Variants in TDRD1 observed in about 807,000 individuals in gnomAD.
The protein encoded by TDRD1 is tudor domain-containing protein 1.
A neutral mutation model predicts 140.6 loss-of-function variants in TDRD1; 37 were observed. The ratio of observed to expected loss-of-function variants is 0.26; its 90% confidence interval spans 0.20 to 0.35. TDRD1 has a LOEUF of 0.35. Ranked by LOEUF, TDRD1 falls within the 10% of genes least tolerant of loss-of-function variation. TDRD1 has a pLI of 1.00. For synonymous variants in TDRD1, 506 were observed against 475.7 expected, an observed-to-expected ratio of 1.06 and a Z score of -0.83; for missense variants, 1,243 against 1,393.0, an observed-to-expected ratio of 0.89 and a Z score of 1.71.
At chr10:114,208,807 C>T (rs12773687) in intron 11 of TDRD1, among the ~76,000 whole-genome samples, 24,506 of 150,622 alleles carry the variant, frequency 0.16, 2,166 homozygotes, top group Middle Eastern at 0.21. Context: ...CAGAGTCTCG[C>T]TCTGTCACCA....
intron 3 of TDRD1, 87 bp downstream of exon 3, chr10:114,191,106 A>G: frequency 7.3e-7 from 1 of 1,379,220 alleles, no homozygotes; most frequent in Non-Finnish European, 1.0e-6. Context: ...TTCAATTTGT[A>G]GGTATCATTC....
intron 3 of TDRD1, among the ~76,000 whole-genome samples, chr10:114,196,387 T>G (rs1036909131): frequency 1.3e-5 from 2 of 152,250 alleles, no homozygotes; most frequent in Non-Finnish European, 2.9e-5. Flanking sequence ...AGTCTTGATT[T>G]CCCATTCATT....
chr10:114,226,682 CAAAAA>C (rs2036456591), intron 22 of TDRD1, among the ~76,000 whole-genome samples: 2 of 152,196 alleles, frequency 1.3e-5, no homozygotes, highest in Non-Finnish European at 2.9e-5. Flanking sequence ...ACAAAGTGAA[CAAAAA>C]TACTTAAAGT....
chr10:114,211,052 C>A (rs947181020), intron 13 of TDRD1, 85 bp downstream of exon 13: 8 of 1,095,384 alleles, frequency 7.3e-6, no homozygotes, highest in Non-Finnish European at 1.0e-5. Flanking sequence ...GAAACAGAGT[C>A]TTTGGTTTGC....
intron 13 of TDRD1, 93 bp downstream of exon 13, chr10:114,211,060 T>G: frequency 1.0e-6 from 1 of 955,336 alleles, no homozygotes. Context: ...GTCTTTGGTT[T>G]GCACTGATGG....
chr10:114,206,187 C>G, intron 10 of TDRD1, 57 bp from the exon 11 acceptor site: 2 of 1,283,460 alleles, frequency 1.6e-6, no homozygotes, highest in Non-Finnish European at 2.3e-6. Flanking sequence ...TTACGCTTTT[C>G]CCATAATTCT....
intron 18 of TDRD1, among the ~76,000 whole-genome samples, chr10:114,219,980 A>T (rs896649261): frequency 1.3e-5 from 2 of 152,286 alleles, no homozygotes; most frequent in Non-Finnish European, 2.9e-5. Flanking sequence ...GGAACTTGTT[A>T]ATAACTGCAG....
intron 21 of TDRD1, among the ~76,000 whole-genome samples, chr10:114,223,839 T>C (rs1357844587): frequency 6.6e-6 from 1 of 152,216 alleles, no homozygotes; most frequent in Admixed American, 6.5e-5. Context: ...ATGTACTTTC[T>C]CAACATTACC....
At chr10:114,230,653 G>T (rs2036705035) in intron 25 of TDRD1, among the ~76,000 whole-genome samples, 2 of 152,112 alleles carry the variant, frequency 1.3e-5, no homozygotes, top group Admixed American at 6.6e-5. Context: ...GAAACTAGAG[G>T]GTTACATTAT....
intron 11 of TDRD1, among the ~76,000 whole-genome samples, chr10:114,207,081 G>C (rs2035170298): frequency 6.6e-6 from 1 of 152,212 alleles, no homozygotes; most frequent in African/African-American, 2.4e-5. Flanking sequence ...AGATTAACAA[G>C]AGAACCAAGA....
At chr10:114,202,206 T>C in intron 5 of TDRD1, 32 bp from the exon 6 acceptor site, 4 of 1,560,304 alleles carry the variant, frequency 2.6e-6, no homozygotes, top group South Asian at 2.4e-5. Context: ...GCCTCTGTAG[T>C]ATAAATATTG....
intron 19 of TDRD1, 43 bp from the exon 20 acceptor site, chr10:114,221,313 AT>A (rs748592187): frequency 7.6e-5 from 120 of 1,583,866 alleles, no homozygotes; most frequent in African/African-American, 2.4e-4. Context: ...ACAACAGTAC[AT>A]TTTTTTTATT....
intron 10 of TDRD1, among the ~76,000 whole-genome samples, chr10:114,205,751 T>C (rs148142755): frequency 3.0e-4 from 46 of 152,240 alleles, no homozygotes; most frequent in Non-Finnish European, 5.3e-4. Flanking sequence ...TGGGGATGGT[T>C]AATGGGTACA....
At chr10:114,219,454 A>G (rs1237408852) in intron 18 of TDRD1, among the ~76,000 whole-genome samples, 1 of 152,234 alleles carries the variant, frequency 6.6e-6, no homozygotes, top group African/African-American at 2.4e-5. Context: ...GGACATCTGC[A>G]CATAAAAGTT....
chr10:114,182,316 A>G (rs1274787609), intron 1 of TDRD1, among the ~76,000 whole-genome samples: 1 of 152,210 alleles, frequency 6.6e-6, no homozygotes, highest in Non-Finnish European at 1.5e-5. Context: ...GTCCCAGAAC[A>G]GGTGTAGATG....
At position 114,215,525 on chromosome 10, in the gene TDRD1, T is replaced by C. The variant is rs1211619609; in HGVS notation, c.2212+1411T>C. 2.6e-5 allele frequency among the ~76,000 whole-genome samples: 4 copies of C among 152,208 alleles called. No individual in the cohort carries two copies. In the South Asian group the frequency reaches 6.2e-4, roughly 24 times the overall value. ...AGTTGCTCCACATCCTCACAAACAT[T>C]GTGTGTTTTCTTTTTCATTTGAGCC... On this transcript the variant is annotated intron_variant, in intron 16 of 25. Transcript: ENST00000251864.
chr10:114,201,314 C>A, intron 4 of TDRD1, 96 bp from the exon 5 acceptor site: 8 of 964,772 alleles, frequency 8.3e-6, no homozygotes, highest in East Asian at 2.4e-5. Context: ...TAGCACAATT[C>A]TCTTGCCATG....
intron 21 of TDRD1, 30 bp downstream of exon 21, chr10:114,222,733 G>A: frequency 7.8e-7 from 1 of 1,278,370 alleles, no homozygotes; most frequent in Non-Finnish European, 1.1e-6. Flanking sequence ...AATATTTGAG[G>A]GAAGGTATTT....
At position 114,182,387 on chromosome 10, in the gene TDRD1, T is replaced by G. The variant is rs571242572; in HGVS notation, c.-7+2971T>G. Reference sequence around the variant, plus strand: ...AATAGGGTGAGTCCTTCAAACATTCTCCAAATAGGGTGGACCTTCTTTTAA... The same window carrying G: ...AATAGGGTGAGTCCTTCAAACATTCGCCAAATAGGGTGGACCTTCTTTTAA... On this transcript the variant is annotated intron_variant, in intron 1 of 25. Transcript: ENST00000251864. Among the ~76,000 whole-genome samples the G allele has an allele frequency of 1.1e-4, 16 of 152,344 alleles. No homozygotes were observed. The South Asian group carries it at 3.3e-3, about 32-fold the overall frequency.
Sources: allele counts gnomAD v4.1 joint callset (sites outside exome capture counted in the v4.1 genomes callset), GRCh38; gene constraint gnomAD v4.1.1; transcripts MANE v1.5; gene names NCBI Gene and HGNC (gene_info 2026-07-23, HGNC 2026-07-21).